TMCO6: variants seen among roughly 807,000 people sequenced by gnomAD.
The protein encoded by TMCO6 is transmembrane and coiled-coil domains 6.
TMCO6 carries 47 observed loss-of-function variants against 61.8 expected under a neutral mutation model. That is an observed-to-expected ratio of 0.76 (90% CI 0.60 to 0.97). The LOEUF is 0.97. Among genes scored for constraint, TMCO6 ranks in the 50% least tolerant of loss-of-function variants. The pLI is 0.00. For synonymous variants in TMCO6, 261 were observed against 254.2 expected (o/e 1.03, Z -0.25); for missense variants, 557 against 601.6 (o/e 0.93, Z 0.78).
chr5:140,607,880 C>T, the TMCO6 span, among the ~76,000 whole-genome samples: 1 of 150,828 alleles, frequency 6.6e-6, no homozygotes, highest in Non-Finnish European at 1.5e-5. Flanking sequence ...ACCTCCGCTT[C>T]CCAGGTTGAA....
At chr5:140,606,947 G>T in the TMCO6 span, among the ~76,000 whole-genome samples, 2 of 150,738 alleles carry the variant, frequency 1.3e-5, no homozygotes, top group African/African-American at 4.9e-5. Flanking sequence ...GGGCTAATGT[G>T]TGTGGTTTGT....
At chr5:140,610,777 G>GA in the TMCO6 span, among the ~76,000 whole-genome samples, 3 of 152,164 alleles carry the variant, frequency 2.0e-5, no homozygotes, top group Non-Finnish European at 1.5e-5. Flanking sequence ...GAGGTGGTGA[G>GA]AAAATACATC....
chr5:140,601,194 G>A, the TMCO6 span, among the ~76,000 whole-genome samples: 3 of 152,180 alleles, frequency 2.0e-5, no homozygotes, highest in Admixed American at 1.3e-4. Context: ...GGGGACTACA[G>A]TGTATGTGGC....
the TMCO6 span, among the ~76,000 whole-genome samples, chr5:140,618,251 G>A: frequency 7.2e-5 from 11 of 152,048 alleles, no homozygotes; most frequent in African/African-American, 2.2e-4. Flanking sequence ...CCAACATGGC[G>A]AAACCCCATC....
chr5:140,641,410 A>T (rs1757021566), intron 2 of TMCO6: 1 of 478,320 alleles, frequency 2.1e-6, no homozygotes, highest in African/African-American at 1.9e-5. Flanking sequence ...CAGGATAGAT[A>T]TTGTTATTCT....
chr5:140,627,081 C>T, the TMCO6 span, among the ~76,000 whole-genome samples: 1 of 152,166 alleles, frequency 6.6e-6, no homozygotes, highest in African/African-American at 2.4e-5. Flanking sequence ...AAAAAATCCA[C>T]ATTCCTGTGC....
chr5:140,631,939 C>G, the TMCO6 span: 1 of 1,612,656 alleles, frequency 6.2e-7, no homozygotes. Context: ...CAGGCTGGGA[C>G]CACGCCGGAG....
At chr5:140,628,932 G>A in the TMCO6 span, among the ~76,000 whole-genome samples, 2 of 152,048 alleles carry the variant, frequency 1.3e-5, no homozygotes, top group Admixed American at 6.6e-5. Context: ...TGTACAAAGG[G>A]ATGATTCATA....
the TMCO6 span, among the ~76,000 whole-genome samples, chr5:140,613,631 C>T: frequency 6.6e-6 from 1 of 152,134 alleles, no homozygotes; most frequent in African/African-American, 2.4e-5. Flanking sequence ...ATTGCTCCAG[C>T]AGGACTCCCT....
the TMCO6 span, among the ~76,000 whole-genome samples, chr5:140,619,597 C>A: frequency 1.3e-5 from 2 of 151,972 alleles, no homozygotes; most frequent in Non-Finnish European, 2.9e-5. Context: ...ACTCTCCCTC[C>A]CAAATAAGCA....
intron 7 of TMCO6, 194 bp downstream of exon 7, chr5:140,643,235 C>G: frequency 1.3e-6 from 1 of 786,974 alleles, no homozygotes; most frequent in South Asian, 1.8e-5. Flanking sequence ...CTCTGTCACC[C>G]AGGCTGGATG....
chr5:140,605,120 C>T, the TMCO6 span, among the ~76,000 whole-genome samples: 2 of 152,128 alleles, frequency 1.3e-5, no homozygotes, highest in Non-Finnish European at 2.9e-5. Context: ...AAATTATTCT[C>T]TTAATTTCCT....
the TMCO6 span, among the ~76,000 whole-genome samples, chr5:140,614,882 T>G: frequency 6.6e-6 from 1 of 152,222 alleles, no homozygotes; most frequent in Non-Finnish European, 1.5e-5. Context: ...ATTACAGGCA[T>G]GAGCCACCTC....
At chr5:140,632,441 G>A in the TMCO6 span, 1 of 1,614,236 alleles carries the variant, frequency 6.2e-7, no homozygotes, top group Non-Finnish European at 8.5e-7. The surrounding 1 kb of genome is among the most constrained non-coding windows in gnomAD (Gnocchi z 6.2). Context: ...AGGCAGGCGA[G>A]TGTGCTTGGG....
Position 140,644,133 on chromosome 5 carries a change from C to T in TMCO6, c.1139C>T (p.Ser380Phe). The T allele has an allele frequency of 1.9e-6, 3 of 1,614,208 alleles. No homozygotes were observed. The South Asian group carries it at 3.3e-5, about 18-fold the overall frequency. Residue 380 changes from serine (S) to phenylalanine (F), a missense_variant, in exon 10 of 12, where the codon TCC (serine) becomes TTC (phenylalanine). Physicochemically the swap from Ser to Phe is radical, Grantham distance 155. Coordinates refer to ENST00000394671, the MANE Select transcript of TMCO6 (RefSeq NM_018502.5). ...CCTAGTTTCTGTACCTCCTTGCTCTCCCTGGATCTGATTGAGCCTCTCTTA... is the reference window on the plus strand; with the variant it reads ...CCTAGTTTCTGTACCTCCTTGCTCTTCCTGGATCTGATTGAGCCTCTCTTA... The part of the protein sequence containing the change: ...NSPSFCTSLL[S>F]LDLIEPLLQL...
the TMCO6 span, among the ~76,000 whole-genome samples, chr5:140,630,622 A>G: frequency 6.6e-6 from 1 of 152,210 alleles, no homozygotes; most frequent in South Asian, 2.1e-4. Flanking sequence ...AAGGGAAGAA[A>G]AAAACTGCCT....
At chr5:140,641,531 A>G in intron 2 of TMCO6, 134 bp from the exon 3 acceptor site, 1 of 691,732 alleles carries the variant, frequency 1.4e-6, no homozygotes, top group Admixed American at 2.6e-5. Context: ...GTAGATGCTT[A>G]TTAGTTGCAT....
chr5:140,603,297 ATTATT>A, the TMCO6 span, among the ~76,000 whole-genome samples: 2,080 of 151,916 alleles, frequency 0.014, 57 homozygotes, highest in African/African-American at 0.048. Context: ...ATTTTATTTT[ATTATT>A]TTATTTTATT....
At chr5:140,611,521 T>G in the TMCO6 span, among the ~76,000 whole-genome samples, 2 of 152,142 alleles carry the variant, frequency 1.3e-5, no homozygotes, top group Non-Finnish European at 2.9e-5. Flanking sequence ...TAGAAATGAT[T>G]TCCTTGAAAT....
Sources: allele counts gnomAD v4.1 joint callset (sites outside exome capture counted in the v4.1 genomes callset), GRCh38; gene constraint gnomAD v4.1.1; non-coding constraint Gnocchi (gnomAD v3.1); transcripts MANE v1.5; gene names NCBI Gene and HGNC (gene_info 2026-07-23, HGNC 2026-07-21).